RYR3: variants seen among roughly 807,000 people sequenced by gnomAD.
The protein encoded by RYR3 is brain ryanodine receptor-calcium release channel.
A neutral mutation model predicts 584.3 loss-of-function variants in RYR3; 207 were observed. The ratio of observed to expected loss-of-function variants is 0.35; its 90% CI spans 0.32 to 0.40. The LOEUF (loss-of-function observed/expected upper bound fraction) is 0.40, where lower values mean the gene tolerates loss of function less well. Ranked by LOEUF, RYR3 falls within the 10% of genes least tolerant of loss-of-function variation. The pLI is 1.00. For synonymous variants in RYR3, 2,416 were observed against 2,248.5 expected (o/e 1.07, Z -2.11); for missense variants, 5,616 against 6,089.2 (o/e 0.92, Z 2.59).
intron 1 of RYR3, among the ~76,000 whole-genome samples, chr15:33,413,097 A>G (rs949364369): frequency 3.9e-5 from 6 of 152,214 alleles, no homozygotes; most frequent in Admixed American, 3.9e-4. Context: ...AAGAAATAAA[A>G]ATGAGATGTT....
chr15:33,637,236 TC>T (rs1431200688), intron 27 of RYR3, among the ~76,000 whole-genome samples: 2 of 151,614 alleles, frequency 1.3e-5, no homozygotes, highest in Non-Finnish European at 2.9e-5. Context: ...TCAGTAGACT[TC>T]TCCTAACAAG....
intron 48 of RYR3, among the ~76,000 whole-genome samples, chr15:33,734,911 G>A (rs1596356188): frequency 6.6e-6 from 1 of 151,800 alleles, no homozygotes. Context: ...GGCTGGTCTC[G>A]AACTCCTGAC....
At chr15:33,780,995 G>T (rs1244950339) in intron 65 of RYR3, among the ~76,000 whole-genome samples, 2 of 152,194 alleles carry the variant, frequency 1.3e-5, no homozygotes, top group Non-Finnish European at 2.9e-5. Flanking sequence ...TTGGTCTGTG[G>T]CTGCTTTAGC....
chr15:33,674,306 C>T (rs1239974751), intron 38 of RYR3, among the ~76,000 whole-genome samples: 2 of 152,170 alleles, frequency 1.3e-5, no homozygotes, highest in Non-Finnish European at 2.9e-5. Flanking sequence ...TATTTCTAAG[C>T]CTCTTCTCTA....
chr15:33,664,053 A>G (rs2152709153), intron 36 of RYR3, among the ~76,000 whole-genome samples: 1 of 152,276 alleles, frequency 6.6e-6, no homozygotes, highest in South Asian at 2.1e-4. Context: ...CTCAGCAAGG[A>G]TACACCACTC....
At chr15:33,605,351 A>T (rs760472278) in intron 18 of RYR3, among the ~76,000 whole-genome samples, 1 of 152,114 alleles carries the variant, frequency 6.6e-6, no homozygotes, top group East Asian at 1.9e-4. Context: ...ACAGTTCCCC[A>T]TCCTCTCCCT....
intron 1 of RYR3, among the ~76,000 whole-genome samples, chr15:33,320,921 A>G (rs897307242): frequency 2.0e-5 from 3 of 152,248 alleles, no homozygotes; most frequent in Non-Finnish European, 2.9e-5. Flanking sequence ...GGATTATTCC[A>G]TAGTCTTGAT....
chr15:33,702,028 T>C (rs1038185305), intron 42 of RYR3, among the ~76,000 whole-genome samples: 5 of 152,308 alleles, frequency 3.3e-5, no homozygotes, highest in Middle Eastern at 6.8e-3. Context: ...TTATTCTGAA[T>C]GCTTCCCACA....
intron 47 of RYR3, among the ~76,000 whole-genome samples, chr15:33,730,976 A>G (rs1326780381): frequency 6.6e-6 from 1 of 152,194 alleles, no homozygotes; most frequent in Non-Finnish European, 1.5e-5. Flanking sequence ...CGCTTTCACA[A>G]AACTGGTGAA....
intron 75 of RYR3, among the ~76,000 whole-genome samples, chr15:33,818,321 T>C (rs2288611): frequency 0.085 from 13,010 of 152,256 alleles, 740 homozygotes; most frequent in South Asian, 0.17. Flanking sequence ...CTTTTTATTT[T>C]GTTTTAACCT....
intron 61 of RYR3, 148 bp downstream of exon 61, chr15:33,768,855 A>C: frequency 1.2e-6 from 1 of 803,398 alleles, no homozygotes; most frequent in South Asian, 1.5e-5. Context: ...CTGAAGCATG[A>C]TAAATGACCT....
chr15:33,668,064 A>AAAAC (rs386382646), intron 36 of RYR3, among the ~76,000 whole-genome samples: 4 of 3,638 alleles, frequency 1.1e-3, no homozygotes, highest in Non-Finnish European at 9.1e-3. Flanking sequence ...CTCAGTCTTG[A>AAAAC]AAAAAAAAAA....
At chr15:33,748,321 T>C in intron 54 of RYR3, 61 bp downstream of exon 54, 2 of 1,591,206 alleles carry the variant, frequency 1.3e-6, no homozygotes, top group East Asian at 4.5e-5. Flanking sequence ...AATCTGGGAA[T>C]GTTCTGCCTG....
At chr15:33,696,058 T>C (rs2065840043) in intron 38 of RYR3, among the ~76,000 whole-genome samples, 160 bp from the exon 39 acceptor site, 1 of 148,454 alleles carries the variant, frequency 6.7e-6, no homozygotes, top group East Asian at 2.0e-4. Flanking sequence ...GCCTCCCAAA[T>C]TGCTAGGATT....
chr15:33,628,207 A>G (rs1009986903), intron 20 of RYR3, among the ~76,000 whole-genome samples: 3 of 152,172 alleles, frequency 2.0e-5, no homozygotes, highest in Admixed American at 6.5e-5. Context: ...GGGTGAGGCA[A>G]GTATTCACAT....
chr15:33,759,565 A>G (rs1014050161), intron 60 of RYR3, among the ~76,000 whole-genome samples: 1 of 152,220 alleles, frequency 6.6e-6, no homozygotes, highest in Non-Finnish European at 1.5e-5. Context: ...AGATCAACTA[A>G]ATGAAATAAA....
chr15:33,568,428 C>T (rs907881026), intron 12 of RYR3, among the ~76,000 whole-genome samples: 2 of 151,914 alleles, frequency 1.3e-5, no homozygotes, highest in African/African-American at 2.4e-5. Context: ...TTACATATTA[C>T]AAAATTCATC....
chr15:33,368,338 CTTTTTTTTT>C (rs35491164), intron 1 of RYR3, among the ~76,000 whole-genome samples: 1 of 85,846 alleles, frequency 1.2e-5, no homozygotes, highest in South Asian at 4.7e-4. Context: ...GCCTTCCTGT[CTTTTTTTTT>C]TTTTTTTTTT....
chr15:33,388,212 C>CT (rs777872634), intron 1 of RYR3, among the ~76,000 whole-genome samples: 30 of 152,168 alleles, frequency 2.0e-4, no homozygotes, highest in Non-Finnish European at 3.8e-4. Flanking sequence ...TAAAGTAAAA[C>CT]TTTAAGTTTT....
Sources: allele counts gnomAD v4.1 joint callset (sites outside exome capture counted in the v4.1 genomes callset), GRCh38; gene constraint gnomAD v4.1.1; transcripts MANE v1.5; gene names NCBI Gene and HGNC (gene_info 2026-07-23, HGNC 2026-07-21).